NBPF11: variants seen among roughly 807,000 people sequenced by gnomAD.
NBPF11 encodes the protein NBPF family member NBPF11.
A neutral mutation model predicts 93.9 loss-of-function variants in NBPF11; 72 were observed. The observed-to-expected ratio is 0.77, with a 90% CI of 0.63 to 0.93. NBPF11 has a LOEUF of 0.93. NBPF11 is among the 40% of genes least tolerant of loss of function. The probability of loss-of-function intolerance (pLI) is 0.00; values close to 1 mark genes in which losing one functional copy is unlikely to be tolerated. For missense variants in NBPF11, 705 were observed against 802.2 expected (o/e 0.88, Z 1.46); for synonymous variants, 224 against 304.9 (o/e 0.73, Z 2.76).
intron 4 of NBPF11, among the ~76,000 whole-genome samples, chr1:148,132,729 T>G: frequency 4.2e-5 from 1 of 23,552 alleles, no homozygotes; most frequent in Non-Finnish European, 7.9e-5. Flanking sequence ...TTTCCTTTTT[T>G]TTTTTTTTTT....
At chr1:148,121,734 T>C (rs1667915468) in intron 9 of NBPF11, among the ~76,000 whole-genome samples, 1 of 151,882 alleles carries the variant, frequency 6.6e-6, no homozygotes, top group Non-Finnish European at 1.5e-5. Context: ...GGTGGGAGGA[T>C]CATCTCAGCC....
intron 2 of NBPF11, among the ~76,000 whole-genome samples, chr1:148,138,613 G>C (rs1208843032): frequency 6.6e-6 from 1 of 151,326 alleles, no homozygotes; most frequent in Non-Finnish European, 1.5e-5. Flanking sequence ...ACCCTGAACA[G>C]CCCTTAATCC....
At position 148,108,569 on chromosome 1, in the gene NBPF11, G is replaced by C. The variant is rs200407900; in HGVS notation, c.1939C>G (p.Leu647Val). 2.0e-5 allele frequency: 32 copies of C among 1,600,812 alleles called. No individual in the cohort carries two copies. The highest frequency in any genetic ancestry group is 1.9e-4 in the African/African-American group (14 of 73,730). The change falls in exon 18 of 24, where the codon CTT (leucine) becomes GTT (valine). Residue 647 changes from leucine (L) to valine (V), a missense_variant. Physicochemically the swap from Leu to Val is conservative, Grantham distance 32 (BLOSUM62 1). Coordinates refer to ENST00000682118, the MANE Select transcript of NBPF11 (RefSeq NM_001385469.3). ...DRCYSTPSVY[L>V]GLTDSCQPYR... Reference sequence around the variant, plus strand: ...GGCTGGCATGAGTCAGTCAGTCCAAGATAAACTGAAGGAGTTGAATAACAT... The same window carrying C: ...GGCTGGCATGAGTCAGTCAGTCCAACATAAACTGAAGGAGTTGAATAACAT...
At chr1:148,129,285 AATAT>A (rs1173104363) in intron 4 of NBPF11, among the ~76,000 whole-genome samples, 1 of 147,656 alleles carries the variant, frequency 6.8e-6, no homozygotes, top group Non-Finnish European at 1.5e-5. Flanking sequence ...CATAATATAC[AATAT>A]ATATAACACG....
intron 2 of NBPF11, among the ~76,000 whole-genome samples, chr1:148,139,436 C>T (rs1671851487): frequency 1.3e-5 from 2 of 148,884 alleles, no homozygotes; most frequent in Non-Finnish European, 3.0e-5. Flanking sequence ...TCTATTCAGA[C>T]CCAGTCATGG....
chr1:148,120,564 G>A lies in NBPF11; in HGVS notation c.925C>T (p.Leu309Phe). ...TGAGTTACAAAACATTTCTCTTTGA[G>A]GCTTCTGAACTGCTGTTTCTTCTCT... ...LAEKKQQFRS[L>F]KEKCFVTQVA... The change falls in exon 10 of 24, where the codon CTC becomes TTC. Residue 309 changes from leucine to phenylalanine, a missense_variant. Coordinates refer to ENST00000682118, the MANE Select transcript of NBPF11 (RefSeq NM_001385469.3). The A allele has an allele frequency of 8.1e-7, 1 of 1,228,872 alleles. No homozygotes were observed. Among genetic ancestry groups the A allele is most frequent in the Non-Finnish European group, 1.2e-6 (1 of 829,322 alleles). The allele number at this position is 1,228,872 out of a possible 1,614,324, so 76.1% of individuals were successfully genotyped here. A position where few individuals can be genotyped will look rare whatever the true frequency, so the allele number is the denominator to read the frequency against.
At chr1:148,145,266 C>T (rs1271280056) in intron 1 of NBPF11, among the ~76,000 whole-genome samples, 2 of 126,078 alleles carry the variant, frequency 1.6e-5, no homozygotes, top group African/African-American at 6.3e-5. Context: ...GGCTGGAGTA[C>T]AGTAGTGTAA....
chr1:148,139,917 C>A (rs1671908427), intron 2 of NBPF11, among the ~76,000 whole-genome samples: 1 of 150,036 alleles, frequency 6.7e-6, no homozygotes, highest in African/African-American at 2.5e-5. Context: ...GAAGACCAGA[C>A]TAAGGGGGAA....
At chr1:148,117,463 C>G in intron 12 of NBPF11, 109 bp downstream of exon 12, 2 of 1,192,428 alleles carry the variant, frequency 1.7e-6, no homozygotes, top group Non-Finnish European at 2.5e-6. Flanking sequence ...GCCACATAAG[C>G]TTAGTGGAAA....
At chr1:148,141,700 G>A (rs1414188345) in intron 2 of NBPF11, among the ~76,000 whole-genome samples, 4 of 151,824 alleles carry the variant, frequency 2.6e-5, no homozygotes, top group South Asian at 4.2e-4. Context: ...TCAGGGTTCT[G>A]GTAAGGACAG....
chr1:148,137,389 A>T (rs1183733737), intron 3 of NBPF11, among the ~76,000 whole-genome samples: 22 of 152,228 alleles, frequency 1.4e-4, no homozygotes, highest in East Asian at 3.9e-4. Context: ...CCCCACAAAC[A>T]AGAATAGGAA....
intron 4 of NBPF11, among the ~76,000 whole-genome samples, chr1:148,131,254 T>TAA (rs1410461711): frequency 6.6e-6 from 1 of 150,918 alleles, no homozygotes; most frequent in Admixed American, 6.6e-5. Flanking sequence ...TCCTGGGCCT[T>TAA]AAAGCATGAC....
At chr1:148,149,213 G>A (rs1647590562) in intron 1 of NBPF11, 1 of 1,548,306 alleles carries the variant, frequency 6.5e-7, no homozygotes, top group Non-Finnish European at 8.7e-7. Context: ...CATCGGCACG[G>A]TGCCCACCAT....
At chr1:148,124,486 G>T (rs1181423958) in intron 6 of NBPF11, among the ~76,000 whole-genome samples, 1 of 150,342 alleles carries the variant, frequency 6.7e-6, no homozygotes, top group African/African-American at 2.5e-5. Context: ...GACGAAAGAA[G>T]AAAAGAATGA....
intron 1 of NBPF11, chr1:148,149,444 C>T (rs1647696489): frequency 1.3e-6 from 2 of 1,586,266 alleles, no homozygotes; most frequent in African/African-American, 2.7e-5. Flanking sequence ...CGAGCGCTGC[C>T]CCAAGGCGGT....
At position 148,103,695 on chromosome 1, in the gene NBPF11, G is replaced by T; in HGVS notation, c.*201C>A. The T allele has an allele frequency of 6.2e-7, 1 of 1,611,314 alleles. No homozygotes were observed. ...TATTGTGGGAATATGACTCCCATCTGGAAGACCAGGTGGAGACTTCTCACC... is the reference window on the plus strand; with the variant it reads ...TATTGTGGGAATATGACTCCCATCTTGAAGACCAGGTGGAGACTTCTCACC... On this transcript the variant is annotated 3_prime_UTR_variant, in exon 24 of 24. Transcript: ENST00000682118.
chr1:148,129,235 G>A lies in NBPF11; in HGVS notation c.-35-2197C>T, dbSNP rs1292917827. Among the ~76,000 whole-genome samples, 342 of 144,220 alleles carry A rather than the reference G, an allele frequency of 2.4e-3. 8 individuals carry two copies. Among genetic ancestry groups the A allele is most frequent in the African/African-American group, 8.4e-3 (323 of 38,566 alleles). The allele number at this position is 144,220 out of a possible 152,430, so 94.6% of individuals were successfully genotyped here. On this transcript the variant is annotated intron_variant, in intron 4 of 23. Transcript: ENST00000682118. The stretch of plus-strand genomic sequence containing the variant: ...ACACACGAATATATATTATATATAC[G>A]TGTATATACATACGTGTATATATAT...
chr1:148,123,823 T>C, intron 7 of NBPF11, 30 bp downstream of exon 7: 1 of 1,368,654 alleles, frequency 7.3e-7, no homozygotes, highest in East Asian at 2.4e-5. Flanking sequence ...GCCTGGGGTT[T>C]TGGGTCATCA....
At chr1:148,115,156 C>A (rs1305102811) in intron 14 of NBPF11, among the ~76,000 whole-genome samples, 2 of 59,944 alleles carry the variant, frequency 3.3e-5, no homozygotes, top group Non-Finnish European at 5.0e-5. Flanking sequence ...CAGAGCAGGA[C>A]TCCATCACAA....
Sources: allele counts gnomAD v4.1 joint callset (sites outside exome capture counted in the v4.1 genomes callset), GRCh38; gene constraint gnomAD v4.1.1; transcripts MANE v1.5; gene names NCBI Gene and HGNC (gene_info 2026-07-23, HGNC 2026-07-21).